Variants in DUS2 observed in about 807,000 individuals in gnomAD.
DUS2 encodes the protein dihydrouridine synthase 2.
DUS2 carries 52 observed loss-of-function variants against 71.3 expected under a neutral mutation model. The ratio of observed to expected loss-of-function variants is 0.73; its 90% CI spans 0.58 to 0.92. DUS2 has a LOEUF of 0.92. Ranked by LOEUF, DUS2 falls within the 40% of genes least tolerant of loss-of-function variation. The pLI is 0.00. For synonymous variants in DUS2, 204 were observed against 227.8 expected, an observed-to-expected ratio of 0.90 and a Z score of 0.94; for missense variants, 558 against 622.6, an observed-to-expected ratio of 0.90 and a Z score of 1.10.
At chr16:68,039,365 C>T (rs553094753) in intron 3 of DUS2, among the ~76,000 whole-genome samples, 104 of 151,658 alleles carry the variant, frequency 6.9e-4, no homozygotes, top group African/African-American at 2.2e-3. Context: ...GCAGGAGGAT[C>T]GCTTGAGCCC....
In DUS2 at chr16:68,054,576, G is replaced by T. The variant is rs375085135; in HGVS notation, c.267G>T (p.Gly89=). ...GATGCAGCCTCTTGTGTTCCCAGGG[G>T]ACTTCAGACGCAGAGCGAGCCCTTG... ...REQNRVVFQM[G]TSDAERALAV... The change falls in exon 6 of 17, where the codon GGG becomes GGT. Residue 89 remains glycine (G), a splice_region_variant and synonymous_variant. Transcript: ENST00000565263. 8 of 1,613,972 alleles carry T rather than the reference G, an allele frequency of 5.0e-6. No individual in the cohort carries two copies. The highest frequency in any genetic ancestry group is 6.8e-6 in the Non-Finnish European group (8 of 1,180,020).
intron 2 of DUS2, among the ~76,000 whole-genome samples, chr16:68,028,841 C>T (rs1284749847): frequency 1.3e-5 from 2 of 152,164 alleles, no homozygotes; most frequent in East Asian, 1.9e-4. Flanking sequence ...AATTAATGTG[C>T]CCGAGGCACA....
intron 2 of DUS2, among the ~76,000 whole-genome samples, chr16:68,026,703 C>T (rs577524564): frequency 9.2e-5 from 14 of 152,042 alleles, no homozygotes; most frequent in African/African-American, 2.9e-4. Flanking sequence ...GTGGTGAAAC[C>T]CTTTCTTTAC....
At chr16:68,056,269 A>G in intron 6 of DUS2, 95 bp from the exon 7 acceptor site, 1 of 1,049,720 alleles carries the variant, frequency 9.5e-7, no homozygotes, top group South Asian at 1.4e-5. Flanking sequence ...GGACAGGGTA[A>G]GAGGTTCATG....
chr16:68,076,770 G>A (rs373920073), intron 15 of DUS2, 51 bp downstream of exon 15: 2 of 1,500,698 alleles, frequency 1.3e-6, no homozygotes, highest in African/African-American at 2.8e-5. Flanking sequence ...CACTCCCATG[G>A]CTTACACCCT....
At position 68,062,921 on chromosome 16, in the gene DUS2, G is replaced by A. The variant is rs957356409; in HGVS notation, c.417+1808G>A. Among the ~76,000 whole-genome samples the A allele has an allele frequency of 4.6e-5, 7 of 152,130 alleles. No individual in the cohort carries two copies. In the East Asian group the frequency reaches 1.4e-3, roughly 29 times the overall value. On this transcript the variant is annotated intron_variant, in intron 8 of 16. Coordinates refer to ENST00000565263, the MANE Select transcript of DUS2 (RefSeq NM_017803.5). The stretch of plus-strand genomic sequence containing the variant: ...CTCCAGTTAAGACACTTGTGTGCAG[G>A]GTGGAGTGGAAGTAGACATCTTGGA...
chr16:68,032,584 C>G (rs1252696042), intron 2 of DUS2, among the ~76,000 whole-genome samples: 1 of 152,202 alleles, frequency 6.6e-6, no homozygotes, highest in African/African-American at 2.4e-5. Flanking sequence ...TTAGCATGGG[C>G]ATGCATGACT....
At chr16:68,064,314 A>C (rs2033978288) in intron 8 of DUS2, among the ~76,000 whole-genome samples, 1 of 152,184 alleles carries the variant, frequency 6.6e-6, no homozygotes, top group Non-Finnish European at 1.5e-5. Flanking sequence ...GCCAGAAGAC[A>C]ATCTCTAGTT....
In DUS2 at chr16:68,056,438, T is replaced by C. The variant is rs2033852067; in HGVS notation, c.369+14T>C. The C allele has an allele frequency of 6.2e-7, 1 of 1,605,166 alleles. No individual in the cohort carries two copies. Among genetic ancestry groups the C allele is most frequent in the East Asian group, 2.2e-5 (1 of 44,802 alleles). On this transcript the variant is annotated intron_variant, in intron 7 of 16. Transcript: ENST00000565263. ...TATTCCACCAAGGTAAACTGGTTTC[T>C]TTATACTCCTCATAAACATAGGATG...
chr16:68,076,605 C>T (rs1332904813), intron 14 of DUS2, 27 bp from the exon 15 acceptor site: 2 of 1,589,636 alleles, frequency 1.3e-6, no homozygotes, highest in Admixed American at 1.7e-5. Context: ...GGTGGGTGAC[C>T]CCAACTGCTT....
intron 5 of DUS2, 79 bp from the exon 6 acceptor site, chr16:68,054,491 ATGTG>A: frequency 7.1e-7 from 1 of 1,409,106 alleles, no homozygotes; most frequent in Non-Finnish European, 1.0e-6. Context: ...GTGTGTGTGT[ATGTG>A]TGTGCTGCAT....
chr16:68,023,303 G>T lies in DUS2; in HGVS notation c.-147G>T. The T allele has an allele frequency of 1.5e-6, 2 of 1,335,322 alleles. No individual in the cohort carries two copies. Among genetic ancestry groups the T allele is most frequent in the East Asian group, 2.5e-5 (1 of 39,660 alleles). The allele number at this position is 1,335,322 out of a possible 1,614,324, so 82.7% of individuals were successfully genotyped here. A position where few individuals can be genotyped will look rare whatever the true frequency, so the allele number is the denominator to read the frequency against. On this transcript the variant is annotated 5_prime_UTR_variant, in exon 1 of 17. Transcript: ENST00000565263. ...AGGCTCAGTACGGTGTGTGGAGCTGGAGCACCGTGAGGAAGAAGCGAGGTT... is the reference window on the plus strand; with the variant it reads ...AGGCTCAGTACGGTGTGTGGAGCTGTAGCACCGTGAGGAAGAAGCGAGGTT...
rs113500432 is a variant in DUS2, at chr16:68,049,498, T to C, written c.127-7T>C. 5.0e-6 allele frequency: 8 copies of C among 1,614,054 alleles called. No homozygotes were observed. Among genetic ancestry groups the C allele is most frequent in the African/African-American group, 4.0e-5 (3 of 74,936 alleles). ...GGAATGACAAGCGTCCTCTGATTCC[T>C]CTGCAGGAGCTGATCGACCTCAAGA... On this transcript the variant is annotated splice_region_variant and splice_polypyrimidine_tract_variant and intron_variant, in intron 3 of 16. Transcript: ENST00000565263.
chr16:68,061,896 C>T (rs910100829), intron 8 of DUS2, among the ~76,000 whole-genome samples: 3 of 152,220 alleles, frequency 2.0e-5, no homozygotes, highest in Non-Finnish European at 2.9e-5. Flanking sequence ...CCTGCATGTT[C>T]CTCCAGCCCC....
chr16:68,053,026 G>A (rs1201966196), intron 4 of DUS2, among the ~76,000 whole-genome samples: 4 of 151,090 alleles, frequency 2.6e-5, no homozygotes, highest in South Asian at 2.1e-4. Flanking sequence ...GCAATGGCGC[G>A]ATCTCGGCTC....
chr16:68,037,932 G>C, intron 2 of DUS2, 74 bp from the exon 3 acceptor site: 1 of 1,459,086 alleles, frequency 6.9e-7, no homozygotes, highest in Non-Finnish European at 9.4e-7. Context: ...TTGAAGAAGG[G>C]AAGCCTGCTC....
chr16:68,045,336 T>TATATACA (rs1165311180), intron 3 of DUS2, among the ~76,000 whole-genome samples: 1 of 151,964 alleles, frequency 6.6e-6, no homozygotes, highest in Non-Finnish European at 1.5e-5. Context: ...CCCAGCGTGG[T>TATATACA]GGCTCACACC....
intron 1 of DUS2, among the ~76,000 whole-genome samples, chr16:68,024,526 C>T (rs760432682): frequency 1.3e-5 from 2 of 152,066 alleles, no homozygotes; most frequent in Non-Finnish European, 2.9e-5. Flanking sequence ...CTGGAGAAAA[C>T]GTTTTAGTTT....
In DUS2 at chr16:68,068,584, CTTTTTT is replaced by C. The variant is rs59827856; in HGVS notation, c.555-1533_555-1528del. Among the ~76,000 whole-genome samples the C allele has an allele frequency of 8.9e-5, 6 of 67,264 alleles. No homozygotes were observed. In the Admixed American group the frequency reaches 1.1e-3, roughly 12 times the overall value. The allele number at this position is 67,264 out of a possible 152,430, so 44.1% of individuals were successfully genotyped here. On this transcript the variant is annotated intron_variant, in intron 10 of 16. Coordinates refer to ENST00000565263, the MANE Select transcript of DUS2 (RefSeq NM_017803.5). ...CTGGCATGTAGTATTCTTTCTCTCT[CTTTTTT>C]TTTTTTTTTTTTTTTTGAGACGGAG... is the stretch of plus-strand genomic sequence containing the variant.
Sources: gnomAD v4.1 joint callset for allele counts (sites outside exome capture counted in the v4.1 genomes callset) on GRCh38, gnomAD v4.1.1 for gene constraint, MANE v1.5 for transcripts, NCBI Gene and HGNC (gene_info 2026-07-23, HGNC 2026-07-21) for gene names.